The following CTNNA3 variants were observed in gnomAD, a reference collection of about 807,000 sequenced individuals.
The protein encoded by CTNNA3 is catenin alpha-3.
A neutral mutation model predicts 95.7 loss-of-function variants in CTNNA3; 76 were observed. The ratio of observed to expected loss-of-function variants is 0.79; its 90% CI spans 0.66 to 0.96. CTNNA3 has a LOEUF of 0.96. Ranked by LOEUF, CTNNA3 falls within the 40% of genes least tolerant of loss-of-function variation. The pLI is 0.00. For missense variants in CTNNA3, 1,191 were observed against 1,089.8 expected (o/e 1.09, Z -1.31); for synonymous variants, 431 against 374.4 (o/e 1.15, Z -1.74).
At chr10:66,393,499 TA>T (rs1286984234) in intron 11 of CTNNA3, among the ~76,000 whole-genome samples, 4 of 152,100 alleles carry the variant, frequency 2.6e-5, no homozygotes, top group African/African-American at 9.7e-5. Context: ...AAAATAGGAA[TA>T]AAAATATTCA....
At chr10:66,688,446 C>T (rs1847381294) in intron 9 of CTNNA3, among the ~76,000 whole-genome samples, 1 of 152,080 alleles carries the variant, frequency 6.6e-6, no homozygotes, top group Non-Finnish European at 1.5e-5. Context: ...GAATGTTCTG[C>T]CACCCTCAGC....
chr10:67,657,402 T>C (rs1409243359), intron 1 of CTNNA3, among the ~76,000 whole-genome samples: 1 of 152,132 alleles, frequency 6.6e-6, no homozygotes, highest in East Asian at 1.9e-4. Context: ...ACAATGAGAC[T>C]ACCAAGGAAG....
At chr10:67,724,570 T>A (rs888836265) in intron 1 of CTNNA3, among the ~76,000 whole-genome samples, 1 of 152,098 alleles carries the variant, frequency 6.6e-6, no homozygotes, top group East Asian at 1.9e-4. Flanking sequence ...AGCCCACATG[T>A]GCATATCCAC....
At chr10:66,317,324 A>T (rs925587004) in intron 12 of CTNNA3, among the ~76,000 whole-genome samples, 1 of 152,026 alleles carries the variant, frequency 6.6e-6, no homozygotes. Flanking sequence ...ATTTCTACAT[A>T]ATTCCTCATT....
chr10:67,606,971 C>T lies in CTNNA3; in HGVS notation c.178G>A (p.Ala60Thr). 1.2e-6 allele frequency: 2 copies of T among 1,614,082 alleles called. No homozygotes were observed. Among genetic ancestry groups the T allele is most frequent in the South Asian group, 2.2e-5 (2 of 91,080 alleles). The change falls in exon 3 of 18, where the codon GCT becomes ACT. Residue 60 changes from alanine (A) to threonine (T), a missense_variant. By Grantham distance (58) the Ala-to-Thr change is moderately conservative. Transcript: ENST00000433211. ...GRSKRASVLL[A>T]SVEEATWNLL... ...TTCCAAGTTGCTTCCTCCACAGAAG[C>T]TAGAAGGACACTGGCTCTTTTCGAA...
intron 12 of CTNNA3, among the ~76,000 whole-genome samples, chr10:66,310,274 A>C (rs1387590450): frequency 6.6e-6 from 1 of 152,132 alleles, no homozygotes; most frequent in African/African-American, 2.4e-5. Flanking sequence ...TACATAGTAA[A>C]CTGTGATTTT....
intron 1 of CTNNA3, among the ~76,000 whole-genome samples, chr10:67,713,700 C>T (rs1288618413): frequency 1.3e-5 from 2 of 152,110 alleles, no homozygotes; most frequent in African/African-American, 4.8e-5. Flanking sequence ...AAACCAAATA[C>T]CGCATGTTCT....
chr10:66,037,485 A>C (rs1265641508), intron 15 of CTNNA3, among the ~76,000 whole-genome samples: 3 of 152,210 alleles, frequency 2.0e-5, no homozygotes, highest in Non-Finnish European at 2.9e-5. Context: ...TTTCTACTGA[A>C]AAAATAAATA....
intron 5 of CTNNA3, among the ~76,000 whole-genome samples, chr10:67,347,962 C>G (rs1338478427): frequency 6.6e-6 from 1 of 152,060 alleles, no homozygotes; most frequent in East Asian, 1.9e-4. Context: ...TACCTGTACT[C>G]TGCTTCACCA....
At chr10:67,543,656 G>A (rs1043700076) in intron 3 of CTNNA3, among the ~76,000 whole-genome samples, 1 of 152,068 alleles carries the variant, frequency 6.6e-6, no homozygotes, top group Non-Finnish European at 1.5e-5. Flanking sequence ...TCTAATATAT[G>A]CATCTGTCCA....
chr10:67,674,084 G>T (rs963318617), intron 1 of CTNNA3, among the ~76,000 whole-genome samples: 1 of 151,728 alleles, frequency 6.6e-6, no homozygotes, highest in Non-Finnish European at 1.5e-5. Flanking sequence ...GGGCTAAATT[G>T]TATCTCCTCA....
At chr10:66,081,336 G>T (rs1331240714) in intron 14 of CTNNA3, among the ~76,000 whole-genome samples, 1 of 152,094 alleles carries the variant, frequency 6.6e-6, no homozygotes, top group East Asian at 1.9e-4. Flanking sequence ...GGATGTCCAG[G>T]CCTGGTGGCT....
intron 2 of CTNNA3, among the ~76,000 whole-genome samples, chr10:67,614,871 A>G (rs951481117): frequency 6.6e-6 from 1 of 152,244 alleles, no homozygotes; most frequent in African/African-American, 2.4e-5. Flanking sequence ...CTTGGCTATC[A>G]GATGGCTGTC....
At chr10:67,706,364 A>G (rs940925050) in intron 1 of CTNNA3, among the ~76,000 whole-genome samples, 3 of 152,024 alleles carry the variant, frequency 2.0e-5, no homozygotes, top group African/African-American at 7.2e-5. Flanking sequence ...CTAAAGAGCT[A>G]AGTAGGAAGT....
At chr10:67,066,305 G>C (rs866093191) in intron 7 of CTNNA3, among the ~76,000 whole-genome samples, 4 of 148,968 alleles carry the variant, frequency 2.7e-5, no homozygotes, top group Non-Finnish European at 5.9e-5. Context: ...AGATTCTCCT[G>C]CCTCAGCCTC....
rs549882085 is a variant in CTNNA3 at position 66,478,648 on chromosome 10, G to A, written c.1531+41969C>T. On this transcript the variant is annotated intron_variant, in intron 11 of 17. Coordinates refer to ENST00000433211, the MANE Select transcript of CTNNA3 (RefSeq NM_013266.4). ...ATCATTATTAGTAATAAAGCTTAAC[G>A]CTATTACAATTTTATTTCAACAATG... Among the ~76,000 whole-genome samples, 51 of 151,526 alleles carry A rather than the reference G, an allele frequency of 3.4e-4. 1 individual carries two copies. In the South Asian group the frequency reaches 6.7e-3, roughly 20 times the overall value.
At chr10:67,160,511 C>G (rs1861492151) in intron 7 of CTNNA3, among the ~76,000 whole-genome samples, 2 of 146,418 alleles carry the variant, frequency 1.4e-5, no homozygotes, top group Non-Finnish European at 3.0e-5. Flanking sequence ...AATCATGGCT[C>G]ACTGCAGCCT....
At chr10:67,214,055 G>A (rs1444197593) in intron 6 of CTNNA3, among the ~76,000 whole-genome samples, 6 of 151,760 alleles carry the variant, frequency 4.0e-5, no homozygotes, top group Admixed American at 2.6e-4. Flanking sequence ...CATATAGCTA[G>A]ATTTCGTTTT....
intron 5 of CTNNA3, among the ~76,000 whole-genome samples, chr10:67,281,543 A>G (rs1395856300): frequency 6.6e-6 from 1 of 152,166 alleles, no homozygotes; most frequent in Non-Finnish European, 1.5e-5. Context: ...ATTTTTTTCT[A>G]ATATATATGA....
Sources: allele counts gnomAD v4.1 joint callset (sites outside exome capture counted in the v4.1 genomes callset), GRCh38; gene constraint gnomAD v4.1.1; transcripts MANE v1.5; gene names NCBI Gene and HGNC (gene_info 2026-07-23, HGNC 2026-07-21).